Variants in CAMK2B observed in about 807,000 individuals in gnomAD.
CAMK2B encodes calcium/calmodulin dependent protein kinase II beta.
CAMK2B carries 27 observed loss-of-function variants against 93.7 expected under a neutral mutation model. The ratio of observed to expected loss-of-function variants is 0.29; its 90% CI spans 0.21 to 0.40. The LOEUF is 0.40. CAMK2B is among the 10% of genes least tolerant of loss of function. The probability of loss-of-function intolerance (pLI) is 1.00; values close to 1 mark genes in which losing one functional copy is unlikely to be tolerated. For missense variants in CAMK2B, 568 were observed against 895.8 expected, an observed-to-expected ratio of 0.63 and a Z score of 4.67; for synonymous variants, 374 against 358.8, an observed-to-expected ratio of 1.04 and a Z score of -0.48.
chr7:44,281,132 C>T (rs950025444), intron 2 of CAMK2B, among the ~76,000 whole-genome samples: 8 of 152,252 alleles, frequency 5.3e-5, no homozygotes, highest in Admixed American at 2.6e-4. Flanking sequence ...AGCAACCACG[C>T]GGGAGGCGCT....
intron 1 of CAMK2B, among the ~76,000 whole-genome samples, chr7:44,292,751 G>A (rs537425607): frequency 1.3e-5 from 2 of 152,272 alleles, no homozygotes; most frequent in South Asian, 4.2e-4. Flanking sequence ...AAGGAGAAGG[G>A]ACTTCTATTC....
intron 5 of CAMK2B, among the ~76,000 whole-genome samples, chr7:44,249,949 G>A (rs916511049): frequency 2.6e-5 from 4 of 152,166 alleles, no homozygotes; most frequent in Non-Finnish European, 4.4e-5. Context: ...GGGACTATGG[G>A]GACAGCATTG....
In CAMK2B at chr7:44,286,706, C is replaced by T. The variant is rs1022575296; in HGVS notation, c.66-2481G>A. Among the ~76,000 whole-genome samples the T allele has an allele frequency of 2.0e-5, 3 of 152,250 alleles. No homozygotes were observed. The highest frequency in any genetic ancestry group is 4.4e-5 in the Non-Finnish European group (3 of 68,042). On this transcript the variant is annotated intron_variant, in intron 1 of 23. Coordinates refer to ENST00000395749, the MANE Select transcript of CAMK2B (RefSeq NM_001220.5). The surrounding 1 kb of genome is among the most constrained non-coding windows in gnomAD (Gnocchi z 4.0). ...GCCCCTTTCTCCTCTGCAGAAGGCT[C>T]CAGAGCCGCCCCTGCACCATCAGCC...
At chr7:44,256,210 G>A (rs536625176) in intron 4 of CAMK2B, among the ~76,000 whole-genome samples, 31 of 152,352 alleles carry the variant, frequency 2.0e-4, no homozygotes, top group Admixed American at 2.0e-3. Context: ...CAGTGTTGAC[G>A]GGGCCCTTCC....
chr7:44,247,945 C>T (rs1326932283), intron 5 of CAMK2B, among the ~76,000 whole-genome samples: 4 of 152,186 alleles, frequency 2.6e-5, no homozygotes, highest in African/African-American at 4.8e-5. Flanking sequence ...GGGAGAATTG[C>T]TTGAACCCAG....
chr7:44,288,761 G>A (rs1785848148), intron 1 of CAMK2B, among the ~76,000 whole-genome samples: 1 of 152,142 alleles, frequency 6.6e-6, no homozygotes, highest in Non-Finnish European at 1.5e-5. Context: ...AATTAGTTCT[G>A]GGTGGGAATG....
At chr7:44,257,983 G>A (rs2096848347) in intron 4 of CAMK2B, among the ~76,000 whole-genome samples, 1 of 152,260 alleles carries the variant, frequency 6.6e-6, no homozygotes, top group African/African-American at 2.4e-5. Flanking sequence ...CTGGCTGTGT[G>A]GCCGCCTGGA....
rs561999942 is a variant in CAMK2B at position 44,259,824 on chromosome 7, T to C, written c.221-898A>G. 4.9e-4 allele frequency among the ~76,000 whole-genome samples: 74 copies of C among 152,300 alleles called. 1 individual carries two copies. The South Asian group carries it at 0.015, about 31-fold the overall frequency. ...CCCACGTGCCGGTTCTGATGATTGC[T>C]AGAACAACGAGGACGACGACAGCCA... On this transcript the variant is annotated intron_variant, in intron 3 of 23. Transcript: ENST00000395749.
chr7:44,313,783 T>C (rs2116297952), intron 1 of CAMK2B, among the ~76,000 whole-genome samples: 1 of 148,256 alleles, frequency 6.7e-6, no homozygotes. Context: ...CCCTCCCCAG[T>C]GCCTCTGGCC....
chr7:44,217,249 A>C lies in CAMK2B; in HGVS notation c.*2276T>G, dbSNP rs2096356789. 1 of 152,606 alleles carries C rather than the reference A, an allele frequency of 6.6e-6. No homozygotes were observed. The allele number at this position is 152,606 out of a possible 1,614,324, so 9.5% of individuals were successfully genotyped here. Reference sequence around the variant, plus strand: ...CAAGGCTCAGAAAGAAAAGACAATGAAACTCAGCAAAAAGAGAGAGGAGGG... The same window carrying C: ...CAAGGCTCAGAAAGAAAAGACAATGCAACTCAGCAAAAAGAGAGAGGAGGG... On this transcript the variant is annotated 3_prime_UTR_variant, in exon 24 of 24. Transcript: ENST00000395749.
At chr7:44,234,495 G>A in intron 14 of CAMK2B, 34 bp from the exon 15 acceptor site, 1 of 1,574,878 alleles carries the variant, frequency 6.3e-7, no homozygotes, top group Non-Finnish European at 8.6e-7. Context: ...TCTTAGGTGG[G>A]AGAAGCCCCT....
In CAMK2B at chr7:44,248,411, A is replaced by T. The variant is rs1054538240; in HGVS notation, c.342-1219T>A. The stretch of plus-strand genomic sequence containing the variant: ...TCTGCCCAGGTGCCCCTGGAGCCCA[A>T]CACAAGCCCTTCCCCAGGGACAGCT... On this transcript the variant is annotated intron_variant, in intron 5 of 23. Coordinates refer to ENST00000395749, the MANE Select transcript of CAMK2B (RefSeq NM_001220.5). This position sits in a 1 kb window ranked among gnomAD's most constrained non-coding sequence, Gnocchi z 4.1. Among the ~76,000 whole-genome samples the T allele has an allele frequency of 6.6e-6, 1 of 151,958 alleles. No individual in the cohort carries two copies. Among genetic ancestry groups the T allele is most frequent in the African/African-American group, 2.4e-5 (1 of 41,354 alleles).
chr7:44,252,150 G>A (rs1051818683), intron 5 of CAMK2B, among the ~76,000 whole-genome samples: 3 of 152,194 alleles, frequency 2.0e-5, no homozygotes, highest in African/African-American at 2.4e-5. Flanking sequence ...AGGGGTTGGC[G>A]CTCTGGAGGG....
intron 11 of CAMK2B, 45 bp from the exon 12 acceptor site, chr7:44,240,794 C>T (rs751820291): frequency 6.2e-7 from 1 of 1,601,862 alleles, no homozygotes; most frequent in Non-Finnish European, 8.5e-7. Context: ...CATCAGTGTT[C>T]CCTGCTGGCT....
In CAMK2B at chr7:44,229,856, T is replaced by C. The variant is rs115891877; in HGVS notation, c.1226-355A>G. ...AGAGGCCAGGCGCACGGAGAGGGAG[T>C]GACAGTCATCGTAGGGGCATGATGG... On this transcript the variant is annotated intron_variant, in intron 17 of 23. Transcript: ENST00000395749. 2.0e-3 allele frequency: 401 copies of C among 205,236 alleles called. 2 individuals carry two copies. Among genetic ancestry groups the C allele is most frequent in the African/African-American group, 8.3e-3 (359 of 43,164 alleles). 12.7% of individuals were successfully genotyped at this position (205,236 alleles called of 1,614,324 possible).
At chr7:44,267,303 C>CAGCAGAGTGATG (rs1343895135) in intron 2 of CAMK2B, among the ~76,000 whole-genome samples, 1 of 152,204 alleles carries the variant, frequency 6.6e-6, no homozygotes, top group Admixed American at 6.5e-5. Context: ...CCCCTTGTTA[C>CAGCAGAGTGATG]AGCAGAGTGA....
At chr7:44,263,726 T>A (rs1295522179) in intron 2 of CAMK2B, among the ~76,000 whole-genome samples, 4 of 152,198 alleles carry the variant, frequency 2.6e-5, no homozygotes, top group African/African-American at 7.2e-5. Flanking sequence ...AAATTTTACA[T>A]TTCAAATAGA....
intron 1 of CAMK2B, among the ~76,000 whole-genome samples, chr7:44,314,842 A>C (rs1794459675): frequency 6.6e-6 from 1 of 152,232 alleles, no homozygotes; most frequent in Non-Finnish European, 1.5e-5. Flanking sequence ...TAATGATGCC[A>C]AAATCTTTTC....
Position 44,217,230 on chromosome 7 carries a change from T to C in CAMK2B, c.*2295A>G, listed in dbSNP as rs1246818755. ...AATAATTTTTGTACACTTACAAGGC[T>C]CAGAAAGAAAAGACAATGAAACTCA... On this transcript the variant is annotated 3_prime_UTR_variant, in exon 24 of 24. Transcript: ENST00000395749. The C allele has an allele frequency of 6.6e-6, 1 of 152,406 alleles. No homozygotes were observed. Among genetic ancestry groups the C allele is most frequent in the East Asian group, 1.9e-4 (1 of 5,192 alleles). 9.4% of individuals were successfully genotyped at this position (152,406 alleles called of 1,614,324 possible). A position where few individuals can be genotyped will look rare whatever the true frequency, so the allele number is the denominator to read the frequency against.
Sources: allele counts gnomAD v4.1 joint callset (sites outside exome capture counted in the v4.1 genomes callset), GRCh38; gene constraint gnomAD v4.1.1; non-coding constraint Gnocchi (gnomAD v3.1); transcripts MANE v1.5; gene names NCBI Gene and HGNC (gene_info 2026-07-23, HGNC 2026-07-21).